PUSL1: variants seen among roughly 807,000 people sequenced by gnomAD.
The protein encoded by PUSL1 is tRNA pseudouridine synthase-like 1.
In PUSL1, 51 loss-of-function variants were observed where a neutral mutation model predicts 30.7. That is an observed-to-expected ratio of 1.66 (90% CI 1.33 to 2.10). The LOEUF (loss-of-function observed/expected upper bound fraction) is 2.10. Ranked by LOEUF, PUSL1 falls within the 30% of genes most tolerant of loss-of-function variation. PUSL1 has a pLI of 0.00. For missense variants in PUSL1, 609 were observed against 427.6 expected, an observed-to-expected ratio of 1.42 and a Z score of -3.74; for synonymous variants, 290 against 192.1, an observed-to-expected ratio of 1.51 and a Z score of -4.21.
intron 5 of PUSL1, chr1:1,310,217 C>CTT (rs1642045056): frequency 5.7e-6 from 2 of 348,886 alleles, no homozygotes; most frequent in Non-Finnish European, 1.1e-5. Context: ...CTGACCAGAA[C>CTT]CTCCCCTATT....
chr1:1,309,378 G>A, intron 3 of PUSL1, 76 bp from the exon 4 acceptor site: 2 of 1,494,564 alleles, frequency 1.3e-6, no homozygotes, highest in East Asian at 2.5e-5. Context: ...GTCGGAGCTC[G>A]AGGGGGAAGG....
At position 1,310,662 on chromosome 1, in the gene PUSL1, G is replaced by A. The variant is rs368461153; in HGVS notation, c.673G>A (p.Glu225Lys). 1.6e-5 allele frequency: 26 copies of A among 1,586,342 alleles called. No individual in the cohort carries two copies. Among genetic ancestry groups the A allele is most frequent in the South Asian group, 2.2e-5 (2 of 89,730 alleles). ...RKLRFWNLEF[E>K]SQSFLYRQVR... ...GCTGCGGTTCTGGAACCTGGAGTTTGAGAGCCAGTCTTTCCTGTATAGACA... is the reference window on the plus strand; with the variant it reads ...GCTGCGGTTCTGGAACCTGGAGTTTAAGAGCCAGTCTTTCCTGTATAGACA... The change falls in exon 6 of 8, where the codon GAG becomes AAG. Residue 225 changes from glutamate (E) to lysine (K), a missense_variant. Transcript: ENST00000379031.
chr1:1,310,604 A>G, intron 5 of PUSL1, 30 bp from the exon 6 acceptor site: 1 of 1,509,456 alleles, frequency 6.6e-7, no homozygotes, highest in Non-Finnish European at 9.0e-7. Context: ...ACACTGCCCC[A>G]CAGACACCTA....
At chr1:1,309,428 C>T (rs747214636) in intron 3 of PUSL1, 26 bp from the exon 4 acceptor site, 10 of 1,571,280 alleles carry the variant, frequency 6.4e-6, no homozygotes, top group African/African-American at 1.4e-5. Flanking sequence ...GGTCGTTCCT[C>T]CGGTGAGCTT....
rs1425737385 is a variant in PUSL1 at position 1,309,082 on chromosome 1, G to A, written c.136-4G>A. On this transcript the variant is annotated splice_region_variant and splice_polypyrimidine_tract_variant and intron_variant, in intron 2 of 7. Transcript: ENST00000379031. ...CCCGCCCGCCCCGCGGCTCGGTCCTGCAGGAGGCCGCCGAGCGGCTGAATT... is the reference window on the plus strand; with the variant it reads ...CCCGCCCGCCCCGCGGCTCGGTCCTACAGGAGGCCGCCGAGCGGCTGAATT... 3.4e-6 allele frequency: 5 copies of A among 1,480,070 alleles called. No individual in the cohort carries two copies. Among genetic ancestry groups the A allele is most frequent in the Non-Finnish European group, 3.6e-6 (4 of 1,124,672 alleles). 91.7% of individuals were successfully genotyped at this position (1,480,070 alleles called of 1,614,324 possible).
At chr1:1,310,815 G>C (rs750697748) in intron 6 of PUSL1, 94 bp from the exon 7 acceptor site, 4 of 1,609,884 alleles carry the variant, frequency 2.5e-6, no homozygotes, top group Non-Finnish European at 3.4e-6. Context: ...TGTGCTGGTG[G>C]GTCACGGGCG....
intron 5 of PUSL1, chr1:1,310,363 G>T: frequency 2.1e-6 from 1 of 486,482 alleles, no homozygotes; most frequent in East Asian, 3.3e-5. Context: ...CTAGGTGAGG[G>T]CCCAGGGCAA....
intron 5 of PUSL1, 198 bp downstream of exon 5, chr1:1,310,049 G>C: frequency 1.8e-6 from 1 of 551,164 alleles, no homozygotes; most frequent in Non-Finnish European, 3.2e-6. Flanking sequence ...GGGGAGCGGA[G>C]AACAGGGAAG....
At chr1:1,308,742 G>A (rs779131558) in intron 1 of PUSL1, 22 bp downstream of exon 1, 3 of 1,517,406 alleles carry the variant, frequency 2.0e-6, no homozygotes, top group African/African-American at 1.4e-5. Flanking sequence ...AGGCGCAGCG[G>A]CGGGCGCCAC....
chr1:1,311,084 G>A lies in PUSL1; in HGVS notation c.862+13G>A, dbSNP rs904156088. On this transcript the variant is annotated intron_variant, in intron 7 of 7. Transcript: ENST00000379031. ...TACGGGAACCTCGGTAAGAAAAACA[G>A]GCACGAGAAGCTCCTGTCATGTGCC... 5.7e-6 allele frequency: 9 copies of A among 1,588,742 alleles called. No individual in the cohort carries two copies. The highest frequency in any genetic ancestry group is 7.7e-6 in the Non-Finnish European group (9 of 1,163,648).
At position 1,310,905 on chromosome 1, in the gene PUSL1, A is replaced by C. The variant is rs1642102941; in HGVS notation, c.700-4A>C. On this transcript the variant is annotated splice_region_variant and splice_polypyrimidine_tract_variant and intron_variant, in intron 6 of 7. Coordinates refer to ENST00000379031, the MANE Select transcript of PUSL1 (RefSeq NM_153339.3). ...TCTGGGTCACAGGTGGCTCTGGGTC[A>C]CAGGTACGGAGGATGACGGCTGTGC... The C allele has an allele frequency of 6.2e-7, 1 of 1,610,482 alleles. No homozygotes were observed. Among genetic ancestry groups the C allele is most frequent in the Non-Finnish European group, 8.5e-7 (1 of 1,178,698 alleles).
rs775389621 is a variant in PUSL1 at position 1,310,637 on chromosome 1, G to A, written c.648G>A (p.Lys216=). The A allele has an allele frequency of 1.9e-6, 3 of 1,567,374 alleles. No homozygotes were observed. The highest frequency in any genetic ancestry group is 2.6e-6 in the Non-Finnish European group (3 of 1,153,734). Residue 216 remains lysine, a synonymous_variant, in exon 6 of 8, where the codon AAG becomes AAA. Transcript: ENST00000379031. ...CTACAGGTACGTATTTTTCCAGGAA[G>A]CTGCGGTTCTGGAACCTGGAGTTTG... ...SPLVTPEESR[K]LRFWNLEFES...
intron 2 of PUSL1, 27 bp downstream of exon 2, chr1:1,308,999 C>A: frequency 7.2e-7 from 1 of 1,394,220 alleles, no homozygotes; most frequent in Non-Finnish European, 9.3e-7. Context: ...ACGGGACGCC[C>A]GGTGAGGGGT....
chr1:1,309,901 T>C (rs1642018286), intron 5 of PUSL1, 50 bp downstream of exon 5: 1 of 1,377,496 alleles, frequency 7.3e-7, no homozygotes, highest in Non-Finnish European at 9.7e-7. Context: ...CACGTGCTGA[T>C]TTTAGCTCCA....
intron 5 of PUSL1, 80 bp downstream of exon 5, chr1:1,309,931 G>A: frequency 8.5e-7 from 1 of 1,178,710 alleles, no homozygotes; most frequent in Non-Finnish European, 1.2e-6. Flanking sequence ...CCAGTTTTAA[G>A]GCAAGGTGAG....
In PUSL1 at chr1:1,309,613, G is replaced by C; in HGVS notation, c.473+10G>C. The C allele has an allele frequency of 6.2e-6, 10 of 1,601,392 alleles. No individual in the cohort carries two copies. Among genetic ancestry groups the C allele is most frequent in the South Asian group, 1.1e-5 (1 of 90,848 alleles). ...GGACTCTCCCGGCAGAGTGAGTGTG[G>C]CCCTGACAGCGGGGAGGGGGCGGGC... On this transcript the variant is annotated intron_variant, in intron 4 of 7. Transcript: ENST00000379031.
rs1323102404 is a variant in PUSL1 at position 1,309,868 on chromosome 1, G to A, written c.644+17G>A. On this transcript the variant is annotated intron_variant, in intron 5 of 7. Transcript: ENST00000379031. ...GGAGAGCAGGTGAGGAAGGGCCCCT[G>A]GGCTGTGGCCCTGCCCTCAAGTCAC... 1 of 1,482,030 alleles carries A rather than the reference G, an allele frequency of 6.7e-7. No individual in the cohort carries two copies. Among genetic ancestry groups the A allele is most frequent in the Non-Finnish European group, 9.0e-7 (1 of 1,107,778 alleles). The allele number at this position is 1,482,030 out of a possible 1,614,324, so 91.8% of individuals were successfully genotyped here.
intron 7 of PUSL1, 31 bp downstream of exon 7, chr1:1,311,102 CAT>C (rs1402254035): frequency 1.3e-6 from 2 of 1,576,070 alleles, no homozygotes; most frequent in Non-Finnish European, 1.7e-6. Flanking sequence ...AAGCTCCTGT[CAT>C]GTGCCCAGTG....
In PUSL1 at chr1:1,308,963, C is replaced by T; in HGVS notation, c.126C>T (p.Asn42=). 2 of 1,422,086 alleles carry T rather than the reference C, an allele frequency of 1.4e-6. No individual in the cohort carries two copies. Among genetic ancestry groups the T allele is most frequent in the Non-Finnish European group, 1.8e-6 (2 of 1,092,254 alleles). 88.1% of individuals were successfully genotyped at this position (1,422,086 alleles called of 1,614,324 possible). The change falls in exon 2 of 8, where the codon AAC becomes AAT. Residue 42 remains asparagine (N), a synonymous_variant. Transcript: ENST00000379031. ...CTCAGCGCGCCGTCGGGGTCCAGAA[C>T]TACCTGGAGGTGCGCTCAGCCGGTC... The part of the protein sequence containing the change: ...RGTQRAVGVQ[N]YLEEAAERLN...
Sources: allele counts gnomAD v4.1 joint callset, GRCh38; gene constraint gnomAD v4.1.1; transcripts MANE v1.5; gene names NCBI Gene and HGNC (gene_info 2026-07-23, HGNC 2026-07-21).